FAM168A: variants seen among roughly 807,000 people sequenced by gnomAD.
The protein encoded by FAM168A is protein FAM168A.
A neutral mutation model predicts 28.5 loss-of-function variants in FAM168A; 3 were observed. That is an observed-to-expected ratio of 0.11 (90% CI 0.05 to 0.27). The LOEUF is 0.27. Ranked by LOEUF, FAM168A falls within the 10% of genes least tolerant of loss-of-function variation. FAM168A has a pLI of 1.00. For missense variants in FAM168A, 222 were observed against 311.5 expected (o/e 0.71, Z 2.16); for synonymous variants, 122 against 124.2 (o/e 0.98, Z 0.12).
chr11:73,432,680 G>T (rs964843245), intron 2 of FAM168A, among the ~76,000 whole-genome samples: 1 of 152,124 alleles, frequency 6.6e-6, no homozygotes, highest in Non-Finnish European at 1.5e-5. Flanking sequence ...TTGGGAGGCT[G>T]AGACTGGCAG....
chr11:73,461,840 A>G (rs1171501355), intron 2 of FAM168A, among the ~76,000 whole-genome samples: 2 of 152,218 alleles, frequency 1.3e-5, no homozygotes, highest in Non-Finnish European at 1.5e-5. Flanking sequence ...GACCTGAATG[A>G]TAACAGTGGA....
At chr11:73,414,873 A>C (rs1034682812) in intron 4 of FAM168A, among the ~76,000 whole-genome samples, 1 of 152,256 alleles carries the variant, frequency 6.6e-6, no homozygotes, top group Admixed American at 6.5e-5. Context: ...GTTATGGCTT[A>C]AAATGCCATG....
intron 1 of FAM168A, among the ~76,000 whole-genome samples, chr11:73,495,208 A>C (rs1332712380): frequency 6.6e-6 from 1 of 151,574 alleles, no homozygotes; most frequent in Non-Finnish European, 1.5e-5. Flanking sequence ...AGGCACCTGT[A>C]GTCCCAGCTA....
intron 1 of FAM168A, among the ~76,000 whole-genome samples, chr11:73,534,853 G>C (rs1307486917): frequency 6.6e-6 from 1 of 152,162 alleles, no homozygotes; most frequent in African/African-American, 2.4e-5. Flanking sequence ...GTAAAACAGA[G>C]AGGGTCTCCA....
At position 73,419,910 on chromosome 11, in the gene FAM168A, C is replaced by T; in HGVS notation, c.241G>A (p.Glu81Lys). ...GAGGATGCTTGGTAAGTTCGGTTCTCGGTCCCGGTGTCCACTGGGAGGTGG... is the reference window on the plus strand; with the variant it reads ...GAGGATGCTTGGTAAGTTCGGTTCTTGGTCCCGGTGTCCACTGGGAGGTGG... The part of the protein sequence containing the change: ...TFHLPVDTGT[E>K]NRTYQASSAA... Residue 81 changes from glutamate to lysine, a missense_variant, in exon 4 of 8, where the codon GAG becomes AAG. Transcript: ENST00000356467. 1.9e-6 allele frequency: 3 copies of T among 1,614,014 alleles called. No homozygotes were observed. Among genetic ancestry groups the T allele is most frequent in the South Asian group, 1.1e-5 (1 of 91,064 alleles).
At chr11:73,446,313 A>G (rs1035185267) in intron 2 of FAM168A, among the ~76,000 whole-genome samples, 4 of 152,230 alleles carry the variant, frequency 2.6e-5, no homozygotes, top group Admixed American at 1.3e-4. Flanking sequence ...CCTAACTCTC[A>G]GTAGCTGGAT....
chr11:73,453,938 T>G (rs1867479582), intron 2 of FAM168A, among the ~76,000 whole-genome samples: 2 of 152,240 alleles, frequency 1.3e-5, no homozygotes, highest in Non-Finnish European at 2.9e-5. Context: ...TGAGCTTAAT[T>G]AGCAGGGAAA....
At chr11:73,520,755 T>C (rs2134650276) in intron 1 of FAM168A, among the ~76,000 whole-genome samples, 1 of 152,084 alleles carries the variant, frequency 6.6e-6, no homozygotes, top group Middle Eastern at 3.4e-3. Context: ...ATTCAGAACA[T>C]CAATGAGGCT....
chr11:73,470,685 C>T (rs1020008197), intron 1 of FAM168A, among the ~76,000 whole-genome samples: 11 of 152,140 alleles, frequency 7.2e-5, no homozygotes, highest in African/African-American at 2.7e-4. Flanking sequence ...GATGCTTGTA[C>T]TCTGATATTG....
chr11:73,448,954 TCTCTAA>T lies in FAM168A; in HGVS notation c.71-18190_71-18185del, dbSNP rs1867375552. Among the ~76,000 whole-genome samples, 5 of 152,224 alleles carry T rather than the reference TCTCTAA, an allele frequency of 3.3e-5. No homozygotes were observed. In the South Asian group the frequency reaches 8.3e-4, roughly 25 times the overall value. On this transcript the variant is annotated intron_variant, in intron 2 of 7. Coordinates refer to ENST00000356467, the MANE Select transcript of FAM168A (RefSeq NM_015159.3). ...GTTTTGTTTTGTTTTTTTCTCTCTC[TCTCTAA>T]CTCTATCTCTATCTTTCCTTTCTTT... is the stretch of plus-strand genomic sequence containing the variant.
intron 1 of FAM168A, among the ~76,000 whole-genome samples, chr11:73,474,954 A>C (rs1867867285): frequency 6.6e-6 from 1 of 152,220 alleles, no homozygotes; most frequent in Non-Finnish European, 1.5e-5. Context: ...TCTTGGGCAA[A>C]ATAGGCAATG....
intron 1 of FAM168A, among the ~76,000 whole-genome samples, chr11:73,586,481 C>T (rs778130712): frequency 1.6e-4 from 24 of 152,102 alleles, no homozygotes; most frequent in Non-Finnish European, 2.6e-4. Flanking sequence ...TGGCCACATA[C>T]ACACAGAAAA....
chr11:73,508,481 T>A, intron 1 of FAM168A, among the ~76,000 whole-genome samples: 1 of 152,182 alleles, frequency 6.6e-6, no homozygotes, highest in East Asian at 1.9e-4. Context: ...GCCTGGGGCT[T>A]TTCCACCAAG....
At chr11:73,474,064 C>T (rs1867853269) in intron 1 of FAM168A, among the ~76,000 whole-genome samples, 2 of 152,142 alleles carry the variant, frequency 1.3e-5, no homozygotes, top group Non-Finnish European at 2.9e-5. Context: ...CCCACCTCGA[C>T]CTCCCAAAGT....
chr11:73,407,759 C>T (rs1866534014), intron 6 of FAM168A, 116 bp from the exon 7 acceptor site: 2 of 798,328 alleles, frequency 2.5e-6, no homozygotes, highest in Admixed American at 6.0e-5. Context: ...CCCCCATCTC[C>T]CTCGCCTTCC....
intron 1 of FAM168A, among the ~76,000 whole-genome samples, chr11:73,544,903 ATAT>A (rs1457046561): frequency 6.4e-5 from 6 of 94,192 alleles, no homozygotes; most frequent in African/African-American, 2.9e-4. Context: ...AAAATATATT[ATAT>A]AATATATATT....
intron 2 of FAM168A, among the ~76,000 whole-genome samples, 199 bp from the exon 3 acceptor site, chr11:73,430,969 T>C (rs1464714248): frequency 5.9e-5 from 9 of 151,698 alleles, no homozygotes; most frequent in Non-Finnish European, 1.2e-4. Context: ...AATACCAAAA[T>C]CCCAATATAT....
chr11:73,566,261 T>C (rs991834100), intron 1 of FAM168A, among the ~76,000 whole-genome samples: 2 of 152,244 alleles, frequency 1.3e-5, no homozygotes, highest in Non-Finnish European at 2.9e-5. Context: ...ATTCCTTTTC[T>C]ATTTTCACAT....
chr11:73,445,333 C>T (rs372574098), intron 2 of FAM168A, among the ~76,000 whole-genome samples: 3 of 149,520 alleles, frequency 2.0e-5, no homozygotes, highest in East Asian at 2.0e-4. Flanking sequence ...TTAGACATGT[C>T]ATCTGTTCCA....
Sources: allele counts gnomAD v4.1 joint callset (sites outside exome capture counted in the v4.1 genomes callset), GRCh38; gene constraint gnomAD v4.1.1; transcripts MANE v1.5; gene names NCBI Gene and HGNC (gene_info 2026-07-23, HGNC 2026-07-21).